KIAA1217: variants seen among roughly 807,000 people sequenced by gnomAD.
The protein encoded by KIAA1217 is KIAA1217, also known as sickle tail protein homolog.
Under a neutral mutation model 163.9 loss-of-function variants are expected in KIAA1217, and 88 were observed. The observed-to-expected ratio is 0.54, with a 90% CI of 0.45 to 0.64. The LOEUF (loss-of-function observed/expected upper bound fraction) is 0.64. Ranked by LOEUF, KIAA1217 falls within the 30% of genes least tolerant of loss-of-function variation. The pLI is 0.00. For synonymous variants in KIAA1217, 903 were observed against 923.1 expected (o/e 0.98, Z 0.39); for missense variants, 2,372 against 2,475.0 (o/e 0.96, Z 0.88).
At chr10:23,913,415 CAA>C (rs57060774) in intron 1 of KIAA1217, among the ~76,000 whole-genome samples, 21 of 146,654 alleles carry the variant, frequency 1.4e-4, no homozygotes, top group South Asian at 2.2e-4. Context: ...TTTTCTGTTC[CAA>C]AAAAAAAAAA....
intron 5 of KIAA1217, among the ~76,000 whole-genome samples, chr10:24,441,515 C>T (rs1183006789): frequency 6.6e-6 from 1 of 152,186 alleles, no homozygotes; most frequent in Non-Finnish European, 1.5e-5. Context: ...GCGTGCTAGA[C>T]TAGGCCTCAG....
intron 2 of KIAA1217, among the ~76,000 whole-genome samples, chr10:24,153,271 G>A (rs558102731): frequency 2.0e-5 from 3 of 152,286 alleles, no homozygotes; most frequent in East Asian, 1.9e-4. Flanking sequence ...GACAGCAGCC[G>A]GGAAGGGTTA....
intron 1 of KIAA1217, among the ~76,000 whole-genome samples, chr10:23,923,172 A>G (rs1161672520): frequency 6.6e-6 from 1 of 152,068 alleles, no homozygotes; most frequent in Non-Finnish European, 1.5e-5. Flanking sequence ...TAGCTCCCAC[A>G]TGTCAGTGAG....
intron 2 of KIAA1217, among the ~76,000 whole-genome samples, chr10:24,051,278 T>G (rs1849483503): frequency 6.6e-6 from 1 of 152,204 alleles, no homozygotes; most frequent in South Asian, 2.1e-4. Context: ...CTGAGTAGTA[T>G]TCCACATTTT....
intron 2 of KIAA1217, among the ~76,000 whole-genome samples, chr10:24,314,636 T>C (rs1255617044): frequency 6.6e-6 from 1 of 152,198 alleles, no homozygotes; most frequent in African/African-American, 2.4e-5. Flanking sequence ...TAATGGTATC[T>C]GTGATCTGCA....
At chr10:23,696,657 G>C (rs1182900298) in intron 1 of KIAA1217, among the ~76,000 whole-genome samples, 1 of 152,198 alleles carries the variant, frequency 6.6e-6, no homozygotes, top group Admixed American at 6.5e-5. Context: ...TGTGCTAGAA[G>C]TGGTTTGGAA....
At chr10:23,789,146 A>G (rs1227847185) in intron 1 of KIAA1217, among the ~76,000 whole-genome samples, 1 of 152,166 alleles carries the variant, frequency 6.6e-6, no homozygotes, top group Non-Finnish European at 1.5e-5. Flanking sequence ...AAAGAGAAAT[A>G]ACTTCTATTT....
chr10:23,922,745 G>T (rs1161047423), intron 1 of KIAA1217, among the ~76,000 whole-genome samples: 1 of 152,120 alleles, frequency 6.6e-6, no homozygotes, highest in African/African-American at 2.4e-5. Flanking sequence ...GAATTCAGCA[G>T]ATCTTGAAGA....
intron 1 of KIAA1217, among the ~76,000 whole-genome samples, chr10:23,772,146 T>A (rs1834826533): frequency 6.6e-6 from 1 of 152,324 alleles, no homozygotes; most frequent in African/African-American, 2.4e-5. Context: ...TAATCTAAAT[T>A]GTGTAATCTC....
chr10:23,762,377 G>A (rs1834304834), intron 1 of KIAA1217, among the ~76,000 whole-genome samples: 1 of 151,022 alleles, frequency 6.6e-6, no homozygotes, highest in Non-Finnish European at 1.5e-5. Flanking sequence ...CTCATTAACG[G>A]GCAAACCAAA....
chr10:24,062,469 C>T (rs1371440557), intron 2 of KIAA1217, among the ~76,000 whole-genome samples: 1 of 151,658 alleles, frequency 6.6e-6, no homozygotes, highest in African/African-American at 2.4e-5. Flanking sequence ...GACATGAATT[C>T]ATCATTTTTT....
intron 2 of KIAA1217, among the ~76,000 whole-genome samples, chr10:24,299,011 G>A (rs1008051290): frequency 6.6e-6 from 1 of 151,982 alleles, no homozygotes; most frequent in South Asian, 2.1e-4. Flanking sequence ...TGGGGGTCCC[G>A]GCAGGGTCAG....
chr10:23,844,759 C>A (rs1838941518), intron 1 of KIAA1217, among the ~76,000 whole-genome samples: 1 of 150,238 alleles, frequency 6.7e-6, no homozygotes, highest in South Asian at 2.1e-4. Flanking sequence ...TGTTATTATA[C>A]TTTAAGTTCT....
intron 2 of KIAA1217, among the ~76,000 whole-genome samples, chr10:24,362,935 A>AT (rs2050217199): frequency 1.4e-5 from 2 of 142,168 alleles, no homozygotes; most frequent in South Asian, 5.0e-4. Flanking sequence ...CTCAAATTTA[A>AT]TTAAAAAAAA....
intron 1 of KIAA1217, among the ~76,000 whole-genome samples, chr10:23,845,845 T>C (rs1039673525): frequency 7.9e-5 from 12 of 152,236 alleles, no homozygotes; most frequent in African/African-American, 2.9e-4. Flanking sequence ...GGTTTTCTTC[T>C]AGGATTTTTA....
chr10:24,419,485 GT>G (rs2058557403), intron 3 of KIAA1217, among the ~76,000 whole-genome samples: 1 of 152,182 alleles, frequency 6.6e-6, no homozygotes, highest in African/African-American at 2.4e-5. Flanking sequence ...AGCTAGGTAA[GT>G]CACACAACTT....
intron 1 of KIAA1217, among the ~76,000 whole-genome samples, chr10:23,939,053 T>A (rs11013800): frequency 0.2 from 30,410 of 152,108 alleles, 3,307 homozygotes; most frequent in Middle Eastern, 0.27. Context: ...AAAGACATAG[T>A]AGATAGGTTG....
chr10:24,008,160 A>AGATAGAT (rs1295478691), intron 2 of KIAA1217, among the ~76,000 whole-genome samples: 1 of 45,558 alleles, frequency 2.2e-5, no homozygotes, highest in Non-Finnish European at 4.0e-5. Context: ...GTAGGAAATT[A>AGATAGAT]GATAGATAGA....
At chr10:23,767,737 T>G (rs576968619) in intron 1 of KIAA1217, among the ~76,000 whole-genome samples, 190 of 152,236 alleles carry the variant, frequency 1.2e-3, no homozygotes, top group African/African-American at 4.4e-3. Context: ...GGCAGGGTTT[T>G]AGTGCCTTTC....
Sources: allele counts gnomAD v4.1 joint callset (sites outside exome capture counted in the v4.1 genomes callset), GRCh38; gene constraint gnomAD v4.1.1; transcripts MANE v1.5; gene names NCBI Gene and HGNC (gene_info 2026-07-23, HGNC 2026-07-21).